Variants in NAALADL2 observed in about 807,000 individuals in gnomAD.
The protein encoded by NAALADL2 is N-acetylated alpha-linked acidic dipeptidase like 2.
Under a neutral mutation model 87.2 loss-of-function variants are expected in NAALADL2, and 76 were observed. The observed-to-expected ratio is 0.87, with a 90% CI of 0.72 to 1.05. The LOEUF (loss-of-function observed/expected upper bound fraction) is 1.05. Ranked by LOEUF, NAALADL2 falls within the 50% of genes least tolerant of loss-of-function variation. The pLI is 0.00. For missense variants in NAALADL2, 1,089 were observed against 945.8 expected, an observed-to-expected ratio of 1.15 and a Z score of -1.99; for synonymous variants, 354 against 331.0, an observed-to-expected ratio of 1.07 and a Z score of -0.75.
chr3:175,291,807 A>G (rs1317539069), intron 4 of NAALADL2, among the ~76,000 whole-genome samples: 1 of 152,166 alleles, frequency 6.6e-6, no homozygotes, highest in Admixed American at 6.6e-5. Context: ...TCACCATGAA[A>G]ACATACAATG....
chr3:174,904,402 G>A (rs1056520970), intron 1 of NAALADL2, among the ~76,000 whole-genome samples: 5 of 151,872 alleles, frequency 3.3e-5, no homozygotes, highest in African/African-American at 1.2e-4. Flanking sequence ...CAGATGGAAA[G>A]TGCCTTGAAA....
At chr3:174,923,967 T>A (rs893495300) in intron 1 of NAALADL2, among the ~76,000 whole-genome samples, 1 of 152,120 alleles carries the variant, frequency 6.6e-6, no homozygotes, top group African/African-American at 2.4e-5. Context: ...TCAGCAGCTG[T>A]TCATGGAATT....
At chr3:175,678,519 A>G (rs984591615) in intron 11 of NAALADL2, among the ~76,000 whole-genome samples, 31 of 152,224 alleles carry the variant, frequency 2.0e-4, no homozygotes, top group African/African-American at 7.2e-4. Flanking sequence ...TGTGGCACAG[A>G]TACACCATGG....
chr3:174,821,409 T>C (rs1323658368), intron 3 of NAALADL2, among the ~76,000 whole-genome samples: 1 of 152,208 alleles, frequency 6.6e-6, no homozygotes, highest in Non-Finnish European at 1.5e-5. Context: ...TTTGCTATTG[T>C]ATTTATTAGC....
intron 2 of NAALADL2, among the ~76,000 whole-genome samples, chr3:175,198,153 C>T (rs1310102682): frequency 6.6e-6 from 1 of 151,990 alleles, no homozygotes; most frequent in African/African-American, 2.4e-5. Context: ...TTTGGAATAA[C>T]ACAAGTGTTG....
intron 11 of NAALADL2, among the ~76,000 whole-genome samples, chr3:175,689,398 AGC>A (rs1736743485): frequency 6.6e-6 from 1 of 152,178 alleles, no homozygotes; most frequent in Non-Finnish European, 1.5e-5. Context: ...TAAGCTAGGA[AGC>A]TTCAACTATA....
At chr3:175,559,320 T>TGTTGTA (rs1715878731) in intron 9 of NAALADL2, among the ~76,000 whole-genome samples, 1 of 151,954 alleles carries the variant, frequency 6.6e-6, no homozygotes, top group Non-Finnish European at 1.5e-5. Flanking sequence ...TTTTAAAGTT[T>TGTTGTA]GTTGTTGTTG....
chr3:175,652,863 G>A (rs1365215019), intron 11 of NAALADL2, among the ~76,000 whole-genome samples: 1 of 152,096 alleles, frequency 6.6e-6, no homozygotes, highest in Non-Finnish European at 1.5e-5. Context: ...TAGGGGAACT[G>A]ACTACTCATG....
intron 2 of NAALADL2, among the ~76,000 whole-genome samples, chr3:174,610,916 A>C (rs1048693177): frequency 2.0e-5 from 3 of 152,318 alleles, no homozygotes; most frequent in Admixed American, 6.5e-5. Flanking sequence ...GCAGCAACCC[A>C]AATGTCCAAC....
chr3:175,024,786 G>A (rs1201357690), intron 1 of NAALADL2, among the ~76,000 whole-genome samples: 4 of 151,964 alleles, frequency 2.6e-5, no homozygotes, highest in Non-Finnish European at 5.9e-5. Flanking sequence ...CCGTAGCAGA[G>A]GGTAGCAGCT....
At chr3:174,522,421 G>A (rs1720359465) in intron 1 of NAALADL2, among the ~76,000 whole-genome samples, 1 of 152,080 alleles carries the variant, frequency 6.6e-6, no homozygotes, top group Non-Finnish European at 1.5e-5. Context: ...AGCACTTTGG[G>A]AAGCTGAGGT....
At chr3:175,667,227 G>GAAAAAGAAAGAA (rs1299767455) in intron 11 of NAALADL2, among the ~76,000 whole-genome samples, 15 of 126,836 alleles carry the variant, frequency 1.2e-4, no homozygotes, top group African/African-American at 5.8e-4. Flanking sequence ...AAGAAAGAAA[G>GAAAAAGAAAGAA]AAAGAAAGAA....
At chr3:174,897,235 T>C (rs1475694794) in intron 1 of NAALADL2, among the ~76,000 whole-genome samples, 3 of 151,932 alleles carry the variant, frequency 2.0e-5, no homozygotes, top group Admixed American at 6.6e-5. Context: ...AGACAACCCA[T>C]AGAATGGGAG....
intron 2 of NAALADL2, among the ~76,000 whole-genome samples, chr3:175,112,246 G>A (rs1045293313): frequency 2.0e-5 from 3 of 150,914 alleles, no homozygotes; most frequent in African/African-American, 7.3e-5. Flanking sequence ...GGTGTCTCCC[G>A]CCTCCTCTCA....
At chr3:175,262,392 T>C (rs1560253078) in intron 4 of NAALADL2, among the ~76,000 whole-genome samples, 1 of 152,004 alleles carries the variant, frequency 6.6e-6, no homozygotes, top group African/African-American at 2.4e-5. Context: ...ATTCTAATTA[T>C]TAGAAACCAA....
intron 11 of NAALADL2, among the ~76,000 whole-genome samples, chr3:175,666,147 G>T (rs549714167): frequency 1.3e-5 from 2 of 152,132 alleles, no homozygotes; most frequent in East Asian, 1.9e-4. Flanking sequence ...ATGCAAGACT[G>T]CCTTCTGTGG....
At chr3:175,004,793 T>C (rs945531193) in intron 1 of NAALADL2, among the ~76,000 whole-genome samples, 3 of 152,058 alleles carry the variant, frequency 2.0e-5, no homozygotes, top group Non-Finnish European at 2.9e-5. Flanking sequence ...ATAAGGTATA[T>C]ATGAAACATA....
intron 2 of NAALADL2, among the ~76,000 whole-genome samples, chr3:175,200,886 G>T (rs924561561): frequency 6.6e-6 from 1 of 151,978 alleles, no homozygotes; most frequent in African/African-American, 2.4e-5. Context: ...TACTTATCAT[G>T]ACCTCTTCAA....
chr3:175,454,193 C>G (rs1008327837), intron 6 of NAALADL2, among the ~76,000 whole-genome samples: 1 of 151,960 alleles, frequency 6.6e-6, no homozygotes, highest in Non-Finnish European at 1.5e-5. Flanking sequence ...TGTACTTAGG[C>G]TTATAGTTTT....
Sources: gnomAD v4.1 joint callset for allele counts (sites outside exome capture counted in the v4.1 genomes callset) on GRCh38, gnomAD v4.1.1 for gene constraint, MANE v1.5 for transcripts, NCBI Gene and HGNC (gene_info 2026-07-23, HGNC 2026-07-21) for gene names.